PHF21A: variants seen among roughly 807,000 people sequenced by gnomAD.
PHF21A encodes the protein PHD finger protein 21A, also known as BHC80a.
A neutral mutation model predicts 82.5 loss-of-function variants in PHF21A; 11 were observed. The ratio of observed to expected loss-of-function variants is 0.13; its 90% confidence interval spans 0.08 to 0.22. PHF21A has a LOEUF of 0.22. Among genes scored for constraint, PHF21A ranks in the 10% least tolerant of loss-of-function variants. The pLI is 1.00. For synonymous variants in PHF21A, 297 were observed against 302.8 expected, an observed-to-expected ratio of 0.98 and a Z score of 0.20; for missense variants, 579 against 837.8, an observed-to-expected ratio of 0.69 and a Z score of 3.81.
At chr11:46,074,082 G>T (rs191872503) in intron 6 of PHF21A, among the ~76,000 whole-genome samples, 1 of 151,048 alleles carries the variant, frequency 6.6e-6, no homozygotes, top group Non-Finnish European at 1.5e-5. Flanking sequence ...AGTGTCTACC[G>T]CAAGAAATAG....
At chr11:46,067,187 G>C (rs2096604574) in intron 6 of PHF21A, among the ~76,000 whole-genome samples, 1 of 152,046 alleles carries the variant, frequency 6.6e-6, no homozygotes, top group East Asian at 1.9e-4. Flanking sequence ...GTCCTGTAAG[G>C]GGGTCTGCCG....
At chr11:46,017,950 G>A (rs556355348) in intron 6 of PHF21A, among the ~76,000 whole-genome samples, 1 of 152,150 alleles carries the variant, frequency 6.6e-6, no homozygotes, top group East Asian at 1.9e-4. Flanking sequence ...TAGCTGTAGG[G>A]GTTAAAAAAT....
chr11:46,096,220 A>T (rs1167089322), intron 1 of PHF21A, among the ~76,000 whole-genome samples: 7 of 151,650 alleles, frequency 4.6e-5, no homozygotes, highest in Non-Finnish European at 1.0e-4. Flanking sequence ...TTTTACTCTC[A>T]TGGAGCATCA....
At position 45,933,901 on chromosome 11, in the gene PHF21A, T is replaced by C; in HGVS notation, c.*67A>G. 7.0e-7 allele frequency: 1 copy of C among 1,420,740 alleles called. No homozygotes were observed. The highest frequency in any genetic ancestry group is 9.4e-7 in the Non-Finnish European group (1 of 1,064,202). 88.0% of individuals were successfully genotyped at this position (1,420,740 alleles called of 1,614,324 possible). On this transcript the variant is annotated 3_prime_UTR_variant, in exon 19 of 19. Coordinates refer to ENST00000676320, the MANE Select transcript of PHF21A (RefSeq NM_001352027.3). ...CTTTCCAGAAATCCGGCTTTGCTTT[T>C]CTAGAGTCTTCAGTGTTCTGTTCTC...
At chr11:46,035,454 T>C (rs1262775079) in intron 6 of PHF21A, among the ~76,000 whole-genome samples, 1 of 152,238 alleles carries the variant, frequency 6.6e-6, no homozygotes, top group Non-Finnish European at 1.5e-5. Context: ...AATGTACATA[T>C]TCAGTACACT....
Position 45,965,565 on chromosome 11 carries a change from G to A in PHF21A, c.746C>T (p.Pro249Leu), listed in dbSNP as rs776161407. 6.3e-7 allele frequency: 1 copy of A among 1,578,788 alleles called. No individual in the cohort carries two copies. The highest frequency in any genetic ancestry group is 1.2e-5 in the South Asian group (1 of 84,896). ...PVAQNNIPIA[P>L]APPPMLAAPQ... The stretch of plus-strand genomic sequence containing the variant: ...AGCTGCGAGCATGGGAGGTGGTGCT[G>A]GGGCAATAGGAATGTTATTCTGGGC... Residue 249 changes from proline (P) to leucine (L), a missense_variant, in exon 10 of 19, where the codon CCA becomes CTA. Coordinates refer to ENST00000676320, the MANE Select transcript of PHF21A (RefSeq NM_001352027.3).
intron 6 of PHF21A, among the ~76,000 whole-genome samples, chr11:45,982,726 G>A (rs1223481802): frequency 1.3e-5 from 2 of 152,120 alleles, no homozygotes; most frequent in Admixed American, 6.5e-5. Flanking sequence ...ACTAGCTAAC[G>A]TGCAGCATCA....
intron 6 of PHF21A, among the ~76,000 whole-genome samples, chr11:46,065,919 AG>A (rs2139651912): frequency 6.6e-6 from 1 of 152,384 alleles, no homozygotes; most frequent in South Asian, 2.1e-4. Context: ...ACTGGCTCAC[AG>A]AAGAGAAACC....
At position 45,986,893 on chromosome 11, in the gene PHF21A, AT is replaced by A. The variant is rs971526739; in HGVS notation, c.154-6928del. Among the ~76,000 whole-genome samples, 47 of 147,940 alleles carry A rather than the reference AT, an allele frequency of 3.2e-4. 1 individual carries two copies. The highest frequency in any genetic ancestry group is 7.4e-4 in the African/African-American group (30 of 40,566). On this transcript the variant is annotated intron_variant, in intron 6 of 18. Transcript: ENST00000676320. ...ATGCTAGTTCAATCTATGTTTGGCT[AT>A]TTTTTTTTTAATGACAACTGCCAAA... is the stretch of plus-strand genomic sequence containing the variant.
At chr11:45,988,471 G>C (rs2094569737) in intron 6 of PHF21A, among the ~76,000 whole-genome samples, 1 of 152,070 alleles carries the variant, frequency 6.6e-6, no homozygotes, top group African/African-American at 2.4e-5. Flanking sequence ...CTAAACACTG[G>C]CATTTTTAAT....
intron 6 of PHF21A, among the ~76,000 whole-genome samples, chr11:46,034,454 GTCT>G (rs1354961276): frequency 1.3e-5 from 2 of 151,620 alleles, no homozygotes; most frequent in Admixed American, 6.6e-5. Context: ...ATGGTTTCTG[GTCT>G]TCTTATCATA....
intron 6 of PHF21A, among the ~76,000 whole-genome samples, chr11:46,032,506 A>T (rs867521909): frequency 6.6e-6 from 1 of 152,146 alleles, no homozygotes; most frequent in African/African-American, 2.4e-5. Context: ...ACTATTATTT[A>T]AAAAAACTGT....
At chr11:46,092,160 G>A (rs1027828966) in intron 2 of PHF21A, 23 bp downstream of exon 2, 6 of 151,528 alleles carry the variant, frequency 4.0e-5, no homozygotes, top group Admixed American at 3.3e-4. Flanking sequence ...GGCACACGAT[G>A]TCTACCTAGT....
chr11:45,957,780 A>G lies in PHF21A; in HGVS notation c.997-4155T>C, dbSNP rs544971236. ...AAAAAAAAAAAAAAAGAAAAAAGAA[A>G]ATAAAGTCTAGGATGAAGATAAATG... On this transcript the variant is annotated intron_variant, in intron 10 of 18. Transcript: ENST00000676320. 1.5e-3 allele frequency among the ~76,000 whole-genome samples: 223 copies of G among 151,052 alleles called. 1 individual carries two copies. The highest frequency in any genetic ancestry group is 2.9e-3 in the Non-Finnish European group (198 of 67,706).
At chr11:45,990,247 CT>C (rs2094639126) in intron 6 of PHF21A, among the ~76,000 whole-genome samples, 1 of 115,286 alleles carries the variant, frequency 8.7e-6, no homozygotes, top group Non-Finnish European at 1.7e-5. Context: ...GCATTTTCAT[CT>C]TCTTTTTTTT....
chr11:46,081,931 C>A (rs543651351), intron 4 of PHF21A, among the ~76,000 whole-genome samples: 2 of 152,100 alleles, frequency 1.3e-5, no homozygotes, highest in Non-Finnish European at 2.9e-5. Context: ...TGTCCCTTTA[C>A]AAAAAAATTT....
intron 6 of PHF21A, among the ~76,000 whole-genome samples, chr11:46,070,673 T>C (rs2096646932): frequency 1.3e-5 from 2 of 152,068 alleles, no homozygotes; most frequent in Non-Finnish European, 2.9e-5. Flanking sequence ...AGGAAACTTG[T>C]AGAAAAGATC....
At chr11:45,981,392 CAAAAAAAAAAAAAAAAAA>C (rs59866051) in intron 6 of PHF21A, among the ~76,000 whole-genome samples, 1 of 60,264 alleles carries the variant, frequency 1.7e-5, no homozygotes, top group Non-Finnish European at 3.4e-5. Flanking sequence ...AACCCTGTCT[CAAAAAAAAAAAAAAAAAA>C]AAAAAAAAAC....
chr11:46,107,781 T>C (rs1353969979), intron 1 of PHF21A, among the ~76,000 whole-genome samples: 1 of 152,162 alleles, frequency 6.6e-6, no homozygotes, highest in Non-Finnish European at 1.5e-5. Context: ...TTAATGTAGA[T>C]TATAAGGCCT....
Sources: allele counts gnomAD v4.1 joint callset (sites outside exome capture counted in the v4.1 genomes callset), GRCh38; gene constraint gnomAD v4.1.1; transcripts MANE v1.5; gene names NCBI Gene and HGNC (gene_info 2026-07-23, HGNC 2026-07-21).